Variants in ANO3 observed in about 807,000 individuals in gnomAD.
The protein encoded by ANO3 is anoctamin 3, also known as anoctamin-3.
A neutral mutation model predicts 144.8 loss-of-function variants in ANO3; 99 were observed. The observed-to-expected ratio is 0.68, with a 90% CI of 0.58 to 0.81. The LOEUF is 0.81. Among genes scored for constraint, ANO3 ranks in the 30% least tolerant of loss-of-function variants. The pLI is 0.00. For synonymous variants in ANO3, 414 were observed against 392.6 expected (o/e 1.05, Z -0.64); for missense variants, 905 against 1,202.2 (o/e 0.75, Z 3.66).
rs544724825 is a variant in ANO3 at position 26,531,361 on chromosome 11, T to C, written c.869+25T>C. On this transcript the variant is annotated intron_variant, in intron 8 of 26. Transcript: ENST00000256737. ...AGTGAGTTCCCCTCTTTTTTCATAC[T>C]GCCTACCTTTATATCTTGGTGGGGC... 5.0e-5 allele frequency: 79 copies of C among 1,590,886 alleles called. 2 individuals carry two copies. The South Asian group carries it at 7.1e-4, about 14-fold the overall frequency.
At chr11:26,291,814 C>A (rs1294930838) in intron 1 of ANO3, among the ~76,000 whole-genome samples, 1 of 152,154 alleles carries the variant, frequency 6.6e-6, no homozygotes, top group Admixed American at 6.5e-5. Flanking sequence ...GTGGGTAACT[C>A]GACCTTTCTC....
intron 10 of ANO3, 60 bp from the exon 11 acceptor site, chr11:26,541,887 T>A: frequency 6.6e-7 from 1 of 1,509,912 alleles, no homozygotes. Flanking sequence ...ATACAGTTCT[T>A]ACTCAGTTAA....
At chr11:26,276,222 A>G (rs1343097702) in intron 1 of ANO3, among the ~76,000 whole-genome samples, 3 of 152,122 alleles carry the variant, frequency 2.0e-5, no homozygotes, top group Non-Finnish European at 4.4e-5. Context: ...GTCCTCAAAT[A>G]TCGTTGCATA....
At chr11:26,640,862 A>C (rs936035997) in intron 21 of ANO3, among the ~76,000 whole-genome samples, 2 of 152,116 alleles carry the variant, frequency 1.3e-5, no homozygotes, top group African/African-American at 4.8e-5. Context: ...ACAGAACCTA[A>C]ATACATATAA....
At chr11:26,586,579 C>T (rs1481101931) in intron 14 of ANO3, among the ~76,000 whole-genome samples, 3 of 141,912 alleles carry the variant, frequency 2.1e-5, no homozygotes, top group Non-Finnish European at 3.0e-5. Context: ...CTCGGCTCAC[C>T]GCAAGCTCCG....
chr11:26,438,000 A>G (rs1858354674), intron 1 of ANO3, among the ~76,000 whole-genome samples: 1 of 152,126 alleles, frequency 6.6e-6, no homozygotes, highest in Non-Finnish European at 1.5e-5. Context: ...AAGGAATAAA[A>G]TTATATAAAC....
chr11:26,602,250 A>C (rs1851817758), intron 17 of ANO3, among the ~76,000 whole-genome samples: 1 of 152,188 alleles, frequency 6.6e-6, no homozygotes, highest in South Asian at 2.1e-4. Context: ...ATAAAGAAAA[A>C]TAAGACTAGA....
At chr11:26,191,349 C>G (rs939693262) in intron 1 of ANO3, among the ~76,000 whole-genome samples, 1 of 151,890 alleles carries the variant, frequency 6.6e-6, no homozygotes, top group Non-Finnish European at 1.5e-5. Flanking sequence ...CACACACACA[C>G]ACACACACAC....
intron 1 of ANO3, among the ~76,000 whole-genome samples, chr11:26,322,422 A>C (rs922128734): frequency 5.3e-5 from 8 of 151,994 alleles, no homozygotes; most frequent in Admixed American, 2.6e-4. Context: ...TTATCACCTC[A>C]TCTCTTTTCT....
chr11:26,620,887 T>C (rs11606235), intron 17 of ANO3, among the ~76,000 whole-genome samples: 23,143 of 152,226 alleles, frequency 0.15, 2,052 homozygotes, highest in East Asian at 0.33. Flanking sequence ...AGAGGTAATG[T>C]CAAATGACTC....
At chr11:26,527,832 G>A (rs1001107138) in intron 7 of ANO3, among the ~76,000 whole-genome samples, 2 of 151,856 alleles carry the variant, frequency 1.3e-5, no homozygotes, top group Non-Finnish European at 1.5e-5. Context: ...TGCAAGGGAA[G>A]CAGAACAGAG....
At chr11:26,609,219 C>T (rs1212433111) in intron 17 of ANO3, among the ~76,000 whole-genome samples, 1 of 152,132 alleles carries the variant, frequency 6.6e-6, no homozygotes, top group African/African-American at 2.4e-5. Flanking sequence ...TGGGCCGCCA[C>T]ACCACAGTGC....
chr11:26,312,652 A>G (rs1854527684), intron 1 of ANO3, among the ~76,000 whole-genome samples: 1 of 152,164 alleles, frequency 6.6e-6, no homozygotes, highest in African/African-American at 2.4e-5. Flanking sequence ...TGTTTTGAGA[A>G]GTGTCTGTTC....
intron 14 of ANO3, among the ~76,000 whole-genome samples, chr11:26,569,709 C>T (rs1482026202): frequency 6.6e-6 from 1 of 152,038 alleles, no homozygotes; most frequent in African/African-American, 2.4e-5. Context: ...GTGTGCTTTC[C>T]TTTTAGCCTC....
intron 1 of ANO3, among the ~76,000 whole-genome samples, chr11:26,257,166 A>ACATATATGTACATATG (rs529320750): frequency 2.0e-4 from 30 of 152,264 alleles, no homozygotes; most frequent in South Asian, 6.2e-4. Context: ...ATGTATGTAT[A>ACATATATGTACATATG]CATATATGTA....
chr11:26,452,317 A>C (rs1315900266), intron 3 of ANO3, among the ~76,000 whole-genome samples: 1 of 152,222 alleles, frequency 6.6e-6, no homozygotes, highest in East Asian at 1.9e-4. Context: ...AAGGCAAAGA[A>C]GTTGAAAACT....
At position 26,660,535 on chromosome 11, in the gene ANO3, A is replaced by G. The variant is rs1390711963; in HGVS notation, c.*91A>G. The G allele has an allele frequency of 3.3e-6, 4 of 1,208,472 alleles. No individual in the cohort carries two copies. Among genetic ancestry groups the G allele is most frequent in the Admixed American group, 2.4e-5 (1 of 42,302 alleles). 74.9% of individuals were successfully genotyped at this position (1,208,472 alleles called of 1,614,324 possible). ...TAGGTGAAATCTAGGAGGAAGGCAT[A>G]CTTGGCAAACCACATGTATAATATG... On this transcript the variant is annotated 3_prime_UTR_variant, in exon 27 of 27. Transcript: ENST00000256737.
Position 26,622,169 on chromosome 11 carries a change from C to A in ANO3, c.1837-2293C>A, listed in dbSNP as rs1413036003. ...TTGGATGATGCAGGTTTGCAAATACCCCAGAAAGTCTTGCAACAGCATTAT... is the reference window on the plus strand; with the variant it reads ...TTGGATGATGCAGGTTTGCAAATACACCAGAAAGTCTTGCAACAGCATTAT... On this transcript the variant is annotated intron_variant, in intron 17 of 26. Transcript: ENST00000256737. Among the ~76,000 whole-genome samples the A allele has an allele frequency of 2.0e-5, 3 of 151,982 alleles. No individual in the cohort carries two copies. The South Asian group carries it at 6.2e-4, about 32-fold the overall frequency.
intron 26 of ANO3, among the ~76,000 whole-genome samples, chr11:26,657,115 A>G (rs1257096374): frequency 2.6e-5 from 4 of 152,190 alleles, no homozygotes; most frequent in Non-Finnish European, 5.9e-5. Context: ...CTGAGGTACC[A>G]CTAAGGTCAA....
Sources: allele counts gnomAD v4.1 joint callset (sites outside exome capture counted in the v4.1 genomes callset), GRCh38; gene constraint gnomAD v4.1.1; transcripts MANE v1.5; gene names NCBI Gene and HGNC (gene_info 2026-07-23, HGNC 2026-07-21).